Variants in LIMCH1 observed in about 807,000 individuals in gnomAD.
LIMCH1 encodes the protein LIM and calponin homology domains 1.
LIMCH1 carries 113 observed loss-of-function variants against 176.5 expected under a neutral mutation model. That is an observed-to-expected ratio of 0.64 (90% CI 0.55 to 0.75). The LOEUF (loss-of-function observed/expected upper bound fraction) is 0.75, where lower values mean the gene tolerates loss of function less well. LIMCH1 is among the 30% of genes least tolerant of loss of function. The probability of loss-of-function intolerance (pLI) is 0.00; values close to 1 mark genes in which losing one functional copy is unlikely to be tolerated. For missense variants in LIMCH1, 1,674 were observed against 1,814.9 expected, an observed-to-expected ratio of 0.92 and a Z score of 1.41; for synonymous variants, 619 against 645.9, an observed-to-expected ratio of 0.96 and a Z score of 0.63.
intron 1 of LIMCH1, among the ~76,000 whole-genome samples, chr4:41,564,760 C>A (rs1359474566): frequency 1.3e-5 from 2 of 152,228 alleles, no homozygotes; most frequent in East Asian, 3.9e-4. Context: ...ATTGTAATAT[C>A]CCCACATGTC....
intron 1 of LIMCH1, among the ~76,000 whole-genome samples, chr4:41,388,767 C>T (rs1389353910): frequency 1.3e-5 from 2 of 152,110 alleles, no homozygotes; most frequent in African/African-American, 2.4e-5. Flanking sequence ...CTCAGCTTCC[C>T]GAGTAGCTGG....
At chr4:41,540,042 T>C (rs2152470363) in intron 1 of LIMCH1, among the ~76,000 whole-genome samples, 1 of 152,350 alleles carries the variant, frequency 6.6e-6, no homozygotes, top group East Asian at 1.9e-4. Flanking sequence ...AGCTAGGAGC[T>C]GACATTCTAG....
At chr4:41,591,227 T>TTTTC (rs147440309) in intron 1 of LIMCH1, among the ~76,000 whole-genome samples, 90 of 151,722 alleles carry the variant, frequency 5.9e-4, no homozygotes, top group African/African-American at 1.8e-3. Flanking sequence ...TCTTTTTTCT[T>TTTTC]TTTCTTTCTT....
At chr4:41,428,929 T>A (rs2061353907) in intron 1 of LIMCH1, among the ~76,000 whole-genome samples, 1 of 152,246 alleles carries the variant, frequency 6.6e-6, no homozygotes, top group Non-Finnish European at 1.5e-5. Flanking sequence ...GATTTCTTCC[T>A]TTCCCATCTC....
chr4:41,377,313 A>G (rs1380948234), intron 1 of LIMCH1, among the ~76,000 whole-genome samples: 2 of 152,144 alleles, frequency 1.3e-5, no homozygotes, highest in South Asian at 4.1e-4. Flanking sequence ...GGTGCACCAG[A>G]ACCCAGCCAA....
chr4:41,391,908 AGAT>A (rs1415432808), intron 1 of LIMCH1, among the ~76,000 whole-genome samples: 1 of 152,376 alleles, frequency 6.6e-6, no homozygotes, highest in Non-Finnish European at 1.5e-5. Flanking sequence ...CACTATGGTT[AGAT>A]AAGATGTTAA....
chr4:41,585,750 T>C lies in LIMCH1; in HGVS notation c.-240-13170T>C, dbSNP rs867879745. Among the ~76,000 whole-genome samples the C allele has an allele frequency of 9.8e-5, 15 of 152,334 alleles. No homozygotes were observed. The South Asian group carries it at 1.7e-3, about 17-fold the overall frequency. On this transcript the variant is annotated intron_variant, in intron 1 of 31. Transcript: ENST00000503057. ...GCATTCTAATGAGTGTGAAGCGATATCTCATTGTGTTTGATTTGCCTGTTA... is the reference window on the plus strand; with the variant it reads ...GCATTCTAATGAGTGTGAAGCGATACCTCATTGTGTTTGATTTGCCTGTTA...
intron 1 of LIMCH1, among the ~76,000 whole-genome samples, chr4:41,438,824 T>A (rs2062389816): frequency 6.6e-6 from 1 of 152,180 alleles, no homozygotes; most frequent in Non-Finnish European, 1.5e-5. Flanking sequence ...CTAAACAGAT[T>A]TACATCTTGC....
At chr4:41,620,298 T>G in intron 6 of LIMCH1, 126 bp from the exon 7 acceptor site, 1 of 913,904 alleles carries the variant, frequency 1.1e-6, no homozygotes, top group Non-Finnish European at 1.6e-6. Flanking sequence ...TTATCAGGAT[T>G]ATATTGTGTG....
At chr4:41,692,519 G>A (rs1037171881) in intron 31 of LIMCH1, 135 bp downstream of exon 31, 10 of 597,386 alleles carry the variant, frequency 1.7e-5, no homozygotes, top group Non-Finnish European at 2.7e-5. Flanking sequence ...TAACATCTAG[G>A]TTAAAAAAGA....
At chr4:41,649,530 A>G (rs749876700) in intron 17 of LIMCH1, among the ~76,000 whole-genome samples, 1 of 152,242 alleles carries the variant, frequency 6.6e-6, no homozygotes, top group African/African-American at 2.4e-5. Context: ...TAACAGCACT[A>G]TGAGGAAGAT....
Position 41,397,924 on chromosome 4 carries a change from A to C in LIMCH1, c.96+36988A>C, listed in dbSNP as rs116066754. The stretch of plus-strand genomic sequence containing the variant: ...TTACAATTTTTATATTATGTAAAAA[A>C]ATAAAGAGCTGAAAAGACCTTTTAG... On this transcript the variant is annotated intron_variant, in intron 1 of 26. Transcript: ENST00000313860. Among the ~76,000 whole-genome samples, 1,107 of 152,156 alleles carry C rather than the reference A, an allele frequency of 7.3e-3. 14 individuals are homozygous for C. Among genetic ancestry groups the C allele is most frequent in the African/African-American group, 0.024 (1,016 of 41,566 alleles).
chr4:41,455,798 A>G (rs1221540688), intron 1 of LIMCH1, among the ~76,000 whole-genome samples: 1 of 152,196 alleles, frequency 6.6e-6, no homozygotes, highest in East Asian at 1.9e-4. Context: ...CTGTAATGTC[A>G]AGAGTCTTGT....
chr4:41,523,063 T>C (rs949288342), intron 2 of LIMCH1, among the ~76,000 whole-genome samples: 42 of 152,174 alleles, frequency 2.8e-4, no homozygotes, highest in African/African-American at 1.0e-3. Context: ...GAATATCCTG[T>C]CTGTCACAAT....
chr4:41,487,931 T>C (rs1582993371), intron 1 of LIMCH1, among the ~76,000 whole-genome samples: 1 of 148,634 alleles, frequency 6.7e-6, no homozygotes, highest in Middle Eastern at 3.5e-3. Context: ...TTTTTTTTTT[T>C]CTATAGATTC....
intron 18 of LIMCH1, among the ~76,000 whole-genome samples, chr4:41,652,241 T>C (rs2094326955): frequency 1.3e-5 from 2 of 152,156 alleles, no homozygotes; most frequent in South Asian, 4.1e-4. Flanking sequence ...TTTTGAAGAC[T>C]AAAATTATTT....
intron 1 of LIMCH1, among the ~76,000 whole-genome samples, chr4:41,586,835 G>C (rs78831446): frequency 0.048 from 7,300 of 152,226 alleles, 453 homozygotes; most frequent in African/African-American, 0.15. Flanking sequence ...CTGCTGTATG[G>C]ATGGTCATGA....
chr4:41,370,686 T>A (rs1410243381), intron 1 of LIMCH1, among the ~76,000 whole-genome samples: 1 of 152,072 alleles, frequency 6.6e-6, no homozygotes, highest in Non-Finnish European at 1.5e-5. Context: ...GTGATAATAG[T>A]GATAAAAATG....
At chr4:41,454,663 A>G (rs190714201) in intron 1 of LIMCH1, among the ~76,000 whole-genome samples, 158 of 152,328 alleles carry the variant, frequency 1.0e-3, no homozygotes, top group Non-Finnish European at 1.8e-3. Flanking sequence ...GTGGCAGTGC[A>G]CATTTCACAG....
Sources: allele counts gnomAD v4.1 joint callset (sites outside exome capture counted in the v4.1 genomes callset), GRCh38; gene constraint gnomAD v4.1.1; transcripts MANE v1.5; gene names NCBI Gene and HGNC (gene_info 2026-07-23, HGNC 2026-07-21).